Variants in PTPRO observed in about 807,000 individuals in gnomAD.
The protein encoded by PTPRO is protein tyrosine phosphatase receptor type O.
Under a neutral mutation model 145.2 loss-of-function variants are expected in PTPRO, and 62 were observed. The ratio of observed to expected loss-of-function variants is 0.43; its 90% CI spans 0.35 to 0.53. The LOEUF (loss-of-function observed/expected upper bound fraction) is 0.53, where lower values mean the gene tolerates loss of function less well. PTPRO is among the 20% of genes least tolerant of loss of function. PTPRO has a pLI of 0.01. For synonymous variants in PTPRO, 565 were observed against 514.7 expected (o/e 1.10, Z -1.32); for missense variants, 1,345 against 1,482.7 (o/e 0.91, Z 1.53).
At chr12:15,520,524 G>A (rs770401987) in intron 10 of PTPRO, among the ~76,000 whole-genome samples, 11 of 152,088 alleles carry the variant, frequency 7.2e-5, no homozygotes, top group Non-Finnish European at 1.6e-4. Context: ...TGTTACCACC[G>A]TTGACTTATT....
At chr12:15,572,223 A>C (rs989372768) in intron 19 of PTPRO, among the ~76,000 whole-genome samples, 1 of 152,228 alleles carries the variant, frequency 6.6e-6, no homozygotes, top group African/African-American at 2.4e-5. Context: ...GTTTCAATTT[A>C]TCCAACTACT....
At position 15,501,959 on chromosome 12, in the gene PTPRO, C is replaced by A; in HGVS notation, c.1001C>A (p.Thr334Lys). The change falls in exon 5 of 27, where the codon ACA becomes AAA. Residue 334 changes from threonine to lysine, a missense_variant. Thr to Lys is a moderately conservative substitution (Grantham distance 78, BLOSUM62 -1). Transcript: ENST00000281171. Reference protein sequence around the residue: ...NSTLSETEKSTSGSFSFFPVQ... With the variant: ...NSTLSETEKSKSGSFSFFPVQ... ...ACACTCAGTGAGACAGAGAAGTCAACATCAGGCTCTTTCTCCTTTTTCCCT... is the reference window on the plus strand; with the variant it reads ...ACACTCAGTGAGACAGAGAAGTCAAAATCAGGCTCTTTCTCCTTTTTCCCT... The A allele has an allele frequency of 6.2e-7, 1 of 1,613,910 alleles. No individual in the cohort carries two copies. The highest frequency in any genetic ancestry group is 8.5e-7 in the Non-Finnish European group (1 of 1,179,832).
chr12:15,455,281 T>C (rs1941145907), intron 1 of PTPRO, among the ~76,000 whole-genome samples: 1 of 151,996 alleles, frequency 6.6e-6, no homozygotes, highest in Admixed American at 6.6e-5. Context: ...TGTTTTTCAG[T>C]AACACTGTTC....
chr12:15,479,067 C>G (rs923005682), intron 1 of PTPRO, among the ~76,000 whole-genome samples: 1 of 152,202 alleles, frequency 6.6e-6, no homozygotes, highest in African/African-American at 2.4e-5. Context: ...CAGGGAGGAA[C>G]AGAAGATCCC....
intron 1 of PTPRO, among the ~76,000 whole-genome samples, chr12:15,394,097 A>T (rs1939269985): frequency 6.6e-6 from 1 of 152,170 alleles, no homozygotes; most frequent in Non-Finnish European, 1.5e-5. Context: ...CAGAGCCCTG[A>T]TGACCCAATC....
chr12:15,435,056 C>T (rs572060421), intron 1 of PTPRO, among the ~76,000 whole-genome samples: 1 of 152,190 alleles, frequency 6.6e-6, no homozygotes, highest in South Asian at 2.1e-4. Context: ...CACCAGTGCC[C>T]CCTGTTTTTC....
chr12:15,323,477 G>T lies in PTPRO; in HGVS notation c.75+676G>T, dbSNP rs531451576. On this transcript the variant is annotated intron_variant, in intron 1 of 26. Coordinates refer to ENST00000281171, the MANE Select transcript of PTPRO (RefSeq NM_030667.3). Reference sequence around the variant, plus strand: ...AATAAACTTTTTCGTATCTTCTTTGGAATGTGCTACCCTGAGGTTTTACTT... The same window carrying T: ...AATAAACTTTTTCGTATCTTCTTTGTAATGTGCTACCCTGAGGTTTTACTT... Among the ~76,000 whole-genome samples, 72 of 152,280 alleles carry T rather than the reference G, an allele frequency of 4.7e-4. 1 individual carries two copies. The highest frequency in any genetic ancestry group is 1.7e-3 in the African/African-American group (70 of 41,552).
chr12:15,477,358 G>C (rs1159171743), intron 1 of PTPRO, among the ~76,000 whole-genome samples: 5 of 119,478 alleles, frequency 4.2e-5, no homozygotes, highest in African/African-American at 1.3e-4. Context: ...TGGTGGGGAG[G>C]GGGGAGGGGG....
chr12:15,468,911 C>T (rs1018029448), intron 1 of PTPRO, among the ~76,000 whole-genome samples: 2 of 152,134 alleles, frequency 1.3e-5, no homozygotes, highest in South Asian at 2.1e-4. Context: ...AGGTGGAGGG[C>T]TTATTAAACT....
chr12:15,550,228 A>C (rs2135558156), intron 14 of PTPRO, among the ~76,000 whole-genome samples: 1 of 152,340 alleles, frequency 6.6e-6, no homozygotes, highest in East Asian at 1.9e-4. Context: ...GTATTCTTAC[A>C]ATAAAGTAAG....
intron 1 of PTPRO, among the ~76,000 whole-genome samples, chr12:15,469,806 T>A (rs1168565686): frequency 6.6e-6 from 1 of 150,758 alleles, no homozygotes; most frequent in Admixed American, 6.6e-5. Flanking sequence ...CTAAAATGTG[T>A]ATGTCTCAAA....
At chr12:15,400,241 T>G (rs1939453821) in intron 1 of PTPRO, among the ~76,000 whole-genome samples, 1 of 151,842 alleles carries the variant, frequency 6.6e-6, no homozygotes, top group Admixed American at 6.5e-5. Context: ...TCCACCCGCC[T>G]TGGCCTCCCA....
chr12:15,514,971 G>A (rs964463595), intron 7 of PTPRO, among the ~76,000 whole-genome samples: 4 of 151,640 alleles, frequency 2.6e-5, no homozygotes, highest in Admixed American at 6.6e-5. Flanking sequence ...CACTATGTTC[G>A]TCAGGCTGGT....
chr12:15,485,411 C>G (rs532649685), intron 2 of PTPRO, among the ~76,000 whole-genome samples: 22 of 152,140 alleles, frequency 1.4e-4, no homozygotes, highest in Non-Finnish European at 2.5e-4. Flanking sequence ...CAGATTTAGG[C>G]AGCAGATATA....
intron 24 of PTPRO, among the ~76,000 whole-genome samples, chr12:15,588,578 G>T (rs750350583): frequency 1.3e-5 from 2 of 152,110 alleles, no homozygotes; most frequent in Non-Finnish European, 2.9e-5. Flanking sequence ...TATCTCAAAG[G>T]TCCCTGTGAG....
chr12:15,362,099 C>G (rs970491312), intron 1 of PTPRO, among the ~76,000 whole-genome samples: 2 of 152,188 alleles, frequency 1.3e-5, no homozygotes, highest in Admixed American at 1.3e-4. Flanking sequence ...TCCGGTATTG[C>G]ATTGCTGGTT....
At chr12:15,457,435 C>T (rs1006779411) in intron 1 of PTPRO, among the ~76,000 whole-genome samples, 2 of 152,144 alleles carry the variant, frequency 1.3e-5, no homozygotes, top group Non-Finnish European at 2.9e-5. Flanking sequence ...TTTTTAAAAT[C>T]CATTTAGCTA....
chr12:15,393,472 C>T (rs1044306063), intron 1 of PTPRO, among the ~76,000 whole-genome samples: 1 of 152,106 alleles, frequency 6.6e-6, no homozygotes, highest in Non-Finnish European at 1.5e-5. Flanking sequence ...ATAGTAGATT[C>T]GATAATATCC....
chr12:15,546,958 G>T (rs1355160073), intron 13 of PTPRO, among the ~76,000 whole-genome samples: 1 of 152,112 alleles, frequency 6.6e-6, no homozygotes, highest in Non-Finnish European at 1.5e-5. Context: ...AGGAATAAAG[G>T]TAGTAGGCCA....
Sources: gnomAD v4.1 joint callset for allele counts (sites outside exome capture counted in the v4.1 genomes callset) on GRCh38, gnomAD v4.1.1 for gene constraint, MANE v1.5 for transcripts, NCBI Gene and HGNC (gene_info 2026-07-23, HGNC 2026-07-21) for gene names.